ACSM2B: variants seen among roughly 807,000 people sequenced by gnomAD.
ACSM2B encodes acyl-coenzyme A synthetase ACSM2B, mitochondrial.
A neutral mutation model predicts 78.6 loss-of-function variants in ACSM2B; 58 were observed. The ratio of observed to expected loss-of-function variants is 0.74; its 90% CI spans 0.60 to 0.92. ACSM2B has a LOEUF of 0.92. Ranked by LOEUF, ACSM2B falls within the 40% of genes least tolerant of loss-of-function variation. The pLI is 0.00. For missense variants in ACSM2B, 688 were observed against 711.2 expected, an observed-to-expected ratio of 0.97 and a Z score of 0.37; for synonymous variants, 257 against 256.8, an observed-to-expected ratio of 1.00 and a Z score of -0.01.
At chr16:20,568,115 T>A (rs970661084) in intron 1 of ACSM2B, among the ~76,000 whole-genome samples, 1 of 143,150 alleles carries the variant, frequency 7.0e-6, no homozygotes, top group African/African-American at 2.5e-5. Flanking sequence ...TATATATACA[T>A]ATTATATATA....
Position 20,538,075 on chromosome 16 carries a change from G to A in ACSM2B, c.1630-713C>T, listed in dbSNP as rs2014892405. Among the ~76,000 whole-genome samples, 3 of 152,290 alleles carry A rather than the reference G, an allele frequency of 2.0e-5. 1 individual carries two copies. Among genetic ancestry groups the A allele is most frequent in the African/African-American group, 7.2e-5 (3 of 41,572 alleles). On this transcript the variant is annotated intron_variant, in intron 13 of 13. Coordinates refer to ENST00000329697, the MANE Select transcript of ACSM2B (RefSeq NM_001105069.2). ...AAGACGCCTCATTGAGGCTTCCAGT[G>A]ATGTGGCTCAGTTGCCATGGCATTG...
intron 2 of ACSM2B, among the ~76,000 whole-genome samples, chr16:20,561,101 C>A (rs529426120): frequency 1.3e-5 from 2 of 152,108 alleles, no homozygotes; most frequent in Admixed American, 6.5e-5. Flanking sequence ...TTATTTCAGC[C>A]TTAAAAAGGA....
At chr16:20,540,333 C>A (rs1442138381) in intron 13 of ACSM2B, among the ~76,000 whole-genome samples, 1 of 150,762 alleles carries the variant, frequency 6.6e-6, no homozygotes, top group African/African-American at 2.4e-5. Context: ...ACCTACACCT[C>A]CCAGATTCGA....
At chr16:20,575,342 C>T (rs1050121364) in intron 1 of ACSM2B, 2 of 151,278 alleles carry the variant, frequency 1.3e-5, no homozygotes, top group African/African-American at 4.9e-5. Flanking sequence ...TATGAGTTTA[C>T]TAAGTATTAA....
intron 3 of ACSM2B, among the ~76,000 whole-genome samples, 193 bp from the exon 4 acceptor site, chr16:20,555,669 G>T (rs142192393): frequency 6.6e-6 from 1 of 152,252 alleles, no homozygotes. Flanking sequence ...TGGGTTGTCA[G>T]AGTCTTAAGG....
intron 11 of ACSM2B, 38 bp downstream of exon 11, chr16:20,543,097 A>G (rs767440033): frequency 1.2e-6 from 2 of 1,613,600 alleles, no homozygotes; most frequent in Non-Finnish European, 1.7e-6. Flanking sequence ...CAGAGTAAAG[A>G]CCCAGATTTC....
intron 1 of ACSM2B, among the ~76,000 whole-genome samples, chr16:20,568,221 G>A (rs1045801276): frequency 1.0e-4 from 15 of 143,230 alleles, no homozygotes; most frequent in Non-Finnish European, 1.1e-4. Flanking sequence ...TGTAAAAAAT[G>A]TATTTTATAT....
chr16:20,552,435 G>A (rs1197097085), intron 5 of ACSM2B, 138 bp from the exon 6 acceptor site: 8 of 1,285,424 alleles, frequency 6.2e-6, no homozygotes, highest in Non-Finnish European at 8.3e-6. Flanking sequence ...ATAGGCATAT[G>A]TTTAAGTATA....
At position 20,552,163 on chromosome 16, in the gene ACSM2B, T is replaced by G. The variant is rs1175739777; in HGVS notation, c.875A>C (p.Asp292Ala). Residue 292 changes from aspartate to alanine, a missense_variant, in exon 6 of 14, where the codon GAC becomes GCC. By Grantham distance (126) the Asp-to-Ala change is moderately radical. Coordinates refer to ENST00000329697, the MANE Select transcript of ACSM2B (RefSeq NM_001105069.2). ...TCTTACCTTTAGAATAACCAGTGGG[T>G]CAAACTTTGGCAAGAGATGAACAAA... The part of the protein sequence containing the change: ...CTFVHLLPKF[D>A]PLVILKTLSS... The G allele has an allele frequency of 6.2e-7, 1 of 1,612,842 alleles. No homozygotes were observed. The highest frequency in any genetic ancestry group is 8.5e-7 in the Non-Finnish European group (1 of 1,179,308).
rs1340508934 is a variant in ACSM2B at position 20,552,138 on chromosome 16, T to C, written c.894+6A>G. ...AATAACTGCTGCAAACTGGATCCTC[T>C]CTTACCTTTAGAATAACCAGTGGGT... On this transcript the variant is annotated splice_donor_region_variant and intron_variant, in intron 6 of 13. Coordinates refer to ENST00000329697, the MANE Select transcript of ACSM2B (RefSeq NM_001105069.2). The C allele has an allele frequency of 1.2e-6, 2 of 1,602,560 alleles. No homozygotes were observed. Among genetic ancestry groups the C allele is most frequent in the Non-Finnish European group, 1.7e-6 (2 of 1,174,926 alleles).
intron 8 of ACSM2B, 135 bp from the exon 9 acceptor site, chr16:20,546,609 A>T: frequency 7.3e-7 from 1 of 1,367,750 alleles, no homozygotes; most frequent in East Asian, 2.5e-5. Context: ...CCTGCTCCTC[A>T]TTCCCTGGCT....
At chr16:20,549,808 G>T (rs947338143) in intron 6 of ACSM2B, 9 of 449,942 alleles carry the variant, frequency 2.0e-5, no homozygotes, top group African/African-American at 1.8e-4. Context: ...GCAACTTGAA[G>T]CGGGGGCTTC....
At position 20,549,547 on chromosome 16, in the gene ACSM2B, C is replaced by T. The variant is rs531580014; in HGVS notation, c.895-1074G>A. On this transcript the variant is annotated intron_variant, in intron 6 of 13. Coordinates refer to ENST00000329697, the MANE Select transcript of ACSM2B (RefSeq NM_001105069.2). ...ATGAGGCCCAATCATCTCTTAAATG[C>T]CCCACTGCTTACTACTGTTACACTG... 7.3e-5 allele frequency: 15 copies of T among 204,358 alleles called. No homozygotes were observed. The East Asian group carries it at 2.1e-3, about 29-fold the overall frequency. 12.7% of individuals were successfully genotyped at this position (204,358 alleles called of 1,614,324 possible).
intron 3 of ACSM2B, among the ~76,000 whole-genome samples, chr16:20,555,688 G>C (rs2015452839): frequency 6.6e-6 from 1 of 152,124 alleles, no homozygotes; most frequent in Non-Finnish European, 1.5e-5. Context: ...GGGCCCTACT[G>C]AGACAAAGAA....
chr16:20,538,360 C>T (rs2014899636), intron 13 of ACSM2B, among the ~76,000 whole-genome samples: 1 of 152,186 alleles, frequency 6.6e-6, no homozygotes, highest in African/African-American at 2.4e-5. Flanking sequence ...AACAGTCATA[C>T]CCATGCATTT....
intron 1 of ACSM2B, among the ~76,000 whole-genome samples, chr16:20,570,871 T>C (rs1472389127): frequency 6.6e-6 from 1 of 151,892 alleles, no homozygotes; most frequent in Non-Finnish European, 1.5e-5. Context: ...AAGCTGTTTG[T>C]AGTGCCTTGG....
At chr16:20,569,722 ATTTG>A (rs1331197185) in intron 1 of ACSM2B, among the ~76,000 whole-genome samples, 4 of 151,826 alleles carry the variant, frequency 2.6e-5, no homozygotes, top group Non-Finnish European at 5.9e-5. Context: ...ATGTGTTCCC[ATTTG>A]TTTGTGTCAT....
In ACSM2B at chr16:20,566,750, C is replaced by CTATATATAGTATATACTATATATAG. The variant is rs1567218682; in HGVS notation, c.-8-1898_-8-1897insCTATATATAGTATATACTATATATA. ...CTATATATAGTATATACTATATATA[C>CTATATATAGTATATACTATATATAG]TATATATAGTATATATAGATATATA... On this transcript the variant is annotated intron_variant, in intron 1 of 13. Transcript: ENST00000329697. Among the ~76,000 whole-genome samples, 15 of 42,426 alleles carry CTATATATAGTATATACTATATATAG rather than the reference C, an allele frequency of 3.5e-4. 1 individual carries two copies. Among genetic ancestry groups the CTATATATAGTATATACTATATATAG allele is most frequent in the East Asian group, 3.7e-3 (2 of 544 alleles). 27.8% of individuals were successfully genotyped at this position (42,426 alleles called of 152,430 possible).
chr16:20,536,983 T>A lies in ACSM2B; in HGVS notation c.*275A>T. The stretch of plus-strand genomic sequence containing the variant: ...GCCTTCCCTCCCTACTTTATTTCTT[T>A]TTCAATTGCTTTCTCTTGCAGTTTT... On this transcript the variant is annotated 3_prime_UTR_variant, in exon 14 of 14. Transcript: ENST00000329697. 3.3e-6 allele frequency: 1 copy of A among 305,352 alleles called. No homozygotes were observed. The highest frequency in any genetic ancestry group is 5.0e-5 in the Admixed American group (1 of 19,816). The allele number at this position is 305,352 out of a possible 1,614,324, so 18.9% of individuals were successfully genotyped here.
Sources: allele counts gnomAD v4.1 joint callset (sites outside exome capture counted in the v4.1 genomes callset), GRCh38; gene constraint gnomAD v4.1.1; transcripts MANE v1.5; gene names NCBI Gene and HGNC (gene_info 2026-07-23, HGNC 2026-07-21).